The following CHRM3 variants were observed in gnomAD, a reference collection of about 807,000 sequenced individuals.
CHRM3 encodes the protein muscarinic acetylcholine receptor M3.
In CHRM3, 11 loss-of-function variants were observed where a neutral mutation model predicts 41.8. That is an observed-to-expected ratio of 0.26 (90% confidence interval 0.17 to 0.44). The LOEUF is 0.44. Ranked by LOEUF, CHRM3 falls within the 20% of genes least tolerant of loss-of-function variation. The pLI is 1.00. For synonymous variants in CHRM3, 297 were observed against 301.4 expected (o/e 0.99, Z 0.15); for missense variants, 571 against 745.4 (o/e 0.77, Z 2.72).
Position 239,470,439 on chromosome 1 carries a change from C to T in CHRM3, c.-520-22270C>T, listed in dbSNP as rs1317134433. Among the ~76,000 whole-genome samples, 3 of 152,258 alleles carry T rather than the reference C, an allele frequency of 2.0e-5. 1 individual carries two copies. In the South Asian group the frequency reaches 6.2e-4, roughly 32 times the overall value. On this transcript the variant is annotated intron_variant, in intron 1 of 6. Coordinates refer to ENST00000676153, the MANE Select transcript of CHRM3 (RefSeq NM_001375978.1). ...CTATGGCGGCCCTAGTAGAAAAATT[C>T]ACACCCCCCCACTCTTTTACAGAAA...
intron 3 of CHRM3, among the ~76,000 whole-genome samples, chr1:239,552,322 A>G (rs574904851): frequency 3.4e-5 from 5 of 147,506 alleles, no homozygotes; most frequent in African/African-American, 1.2e-4. Context: ...TATGTATCAT[A>G]TATATAGATG....
intron 5 of CHRM3, among the ~76,000 whole-genome samples, chr1:239,736,049 C>T (rs1664364275): frequency 6.6e-6 from 1 of 152,082 alleles, no homozygotes; most frequent in Non-Finnish European, 1.5e-5. Flanking sequence ...ACTAAACCCA[C>T]CCTAATGTTA....
At chr1:239,503,183 C>T (rs1462141110) in intron 2 of CHRM3, among the ~76,000 whole-genome samples, 2 of 152,090 alleles carry the variant, frequency 1.3e-5, no homozygotes, top group Non-Finnish European at 2.9e-5. Flanking sequence ...CCAGAAAGAT[C>T]CTAGAACGGA....
intron 5 of CHRM3, among the ~76,000 whole-genome samples, chr1:239,692,708 A>G (rs565013317): frequency 6.6e-6 from 1 of 152,324 alleles, no homozygotes; most frequent in South Asian, 2.1e-4. Flanking sequence ...GAGCTACTTG[A>G]GAGAAGATGC....
chr1:239,909,240 A>G lies in CHRM3; in HGVS notation c.*16A>G. On this transcript the variant is annotated 3_prime_UTR_variant, in exon 7 of 7. Transcript: ENST00000676153. ...GGCCTTGTAGAATGAGGTTGTATCA[A>G]TAGCAGTGACAAAACGCACACATCA... 1 of 1,580,784 alleles carries G rather than the reference A, an allele frequency of 6.3e-7. No individual in the cohort carries two copies. The highest frequency in any genetic ancestry group is 8.6e-7 in the Non-Finnish European group (1 of 1,164,674).
intron 1 of CHRM3, among the ~76,000 whole-genome samples, chr1:239,435,342 G>T (rs537975201): frequency 1.3e-5 from 2 of 151,758 alleles, no homozygotes; most frequent in Admixed American, 1.3e-4. Context: ...CCAGCTACTC[G>T]GGAGGCTGAG....
chr1:239,630,701 T>A (rs1051366079), intron 3 of CHRM3, among the ~76,000 whole-genome samples: 1 of 152,130 alleles, frequency 6.6e-6, no homozygotes, highest in African/African-American at 2.4e-5. Flanking sequence ...TATTATTTCC[T>A]GAGAATGTGC....
At chr1:239,780,115 A>G (rs185841434) in intron 5 of CHRM3, among the ~76,000 whole-genome samples, 46 of 152,328 alleles carry the variant, frequency 3.0e-4, no homozygotes, top group African/African-American at 1.0e-3. Flanking sequence ...TTGTGTGGAC[A>G]TAAGTTTTCA....
At chr1:239,649,388 G>A (rs1485503045) in intron 4 of CHRM3, among the ~76,000 whole-genome samples, 1 of 152,164 alleles carries the variant, frequency 6.6e-6, no homozygotes, top group African/African-American at 2.4e-5. Flanking sequence ...TTGTTTATAA[G>A]CTATTTAGTT....
chr1:239,601,409 A>G (rs1425151966), intron 3 of CHRM3, among the ~76,000 whole-genome samples: 1 of 152,220 alleles, frequency 6.6e-6, no homozygotes, highest in African/African-American at 2.4e-5. Flanking sequence ...AGGAAATGTC[A>G]ATATGCATGA....
chr1:239,692,377 A>C lies in CHRM3; in HGVS notation c.-147+14089A>C, dbSNP rs111512882. Reference sequence around the variant, plus strand: ...CAACAATAATTAAAAATCTGTGGTTAGTTATTTTTTTAAATGAACTCTCCT... The same window carrying C: ...CAACAATAATTAAAAATCTGTGGTTCGTTATTTTTTTAAATGAACTCTCCT... On this transcript the variant is annotated intron_variant, in intron 5 of 6. Coordinates refer to ENST00000676153, the MANE Select transcript of CHRM3 (RefSeq NM_001375978.1). 7.6e-4 allele frequency among the ~76,000 whole-genome samples: 116 copies of C among 152,292 alleles called. 1 individual carries two copies. Among genetic ancestry groups the C allele is most frequent in the African/African-American group, 2.7e-3 (113 of 41,580 alleles).
chr1:239,753,921 G>A lies in CHRM3; in HGVS notation c.-146-73331G>A, dbSNP rs559590510. ...ATATTCTGTTGATTCTTCCAACATC[G>A]TCAATCATGTGTGACAGAGCTCATT... On this transcript the variant is annotated intron_variant, in intron 5 of 6. Coordinates refer to ENST00000676153, the MANE Select transcript of CHRM3 (RefSeq NM_001375978.1). Among the ~76,000 whole-genome samples, 5 of 152,184 alleles carry A rather than the reference G, an allele frequency of 3.3e-5. 1 individual carries two copies. The South Asian group carries it at 8.3e-4, about 25-fold the overall frequency.
chr1:239,617,851 T>C (rs1667801320), intron 3 of CHRM3, among the ~76,000 whole-genome samples: 1 of 152,164 alleles, frequency 6.6e-6, no homozygotes, highest in Non-Finnish European at 1.5e-5. Flanking sequence ...TGCTCACAAG[T>C]GATGACAGTC....
rs1232580391 is a variant in CHRM3 at position 239,710,248 on chromosome 1, ACT to A, written c.-147+31965_-147+31966del. On this transcript the variant is annotated intron_variant, in intron 5 of 6. Transcript: ENST00000676153. ...TATATATAACTGTATGCATATAGATACTCTCTATATATGTAACTATACCCATA... is the reference window on the plus strand; with the variant it reads ...TATATATAACTGTATGCATATAGATACTCTATATATGTAACTATACCCATA... Among the ~76,000 whole-genome samples the A allele has an allele frequency of 3.3e-5, 5 of 152,246 alleles. No homozygotes were observed. The East Asian group carries it at 5.8e-4, about 18-fold the overall frequency.
intron 5 of CHRM3, among the ~76,000 whole-genome samples, chr1:239,782,868 A>G (rs1379813111): frequency 6.6e-6 from 1 of 152,138 alleles, no homozygotes; most frequent in Non-Finnish European, 1.5e-5. Context: ...CTTCTTTGAC[A>G]CATATATTAT....
In CHRM3 at chr1:239,908,556, C is replaced by A; in HGVS notation, c.1105C>A (p.Leu369Ile). 6.3e-7 allele frequency: 1 copy of A among 1,587,982 alleles called. No individual in the cohort carries two copies. The highest frequency in any genetic ancestry group is 8.6e-7 in the Non-Finnish European group (1 of 1,167,352). ...GACGAGAGCCATCTACTCCATCGTG[C>A]TCAAGCTTCCGGGTCACAGCACCAT... ...SETRAIYSIV[L>I]KLPGHSTILN... Residue 369 changes from leucine (L) to isoleucine (I), a missense_variant, in exon 7 of 7, where the codon CTC becomes ATC. Around this residue, in one of 5 missense-constraint regions of CHRM3, gnomAD observed 239 missense variants for 239.6 expected, o/e 1.00. Transcript: ENST00000676153. The surrounding 1 kb of genome is among the most constrained non-coding windows in gnomAD (Gnocchi z 7.2).
intron 1 of CHRM3, among the ~76,000 whole-genome samples, chr1:239,398,787 G>T (rs1276543848): frequency 6.6e-6 from 1 of 152,048 alleles, no homozygotes; most frequent in African/African-American, 2.4e-5. Flanking sequence ...GGACAGTTTT[G>T]CTTGGTTTTT....
chr1:239,782,272 T>G (rs614098), intron 5 of CHRM3, among the ~76,000 whole-genome samples: 128,173 of 151,948 alleles, frequency 0.84, 54,237 homozygotes, highest in East Asian at 0.87. Flanking sequence ...ATTAATTATT[T>G]ATTTAATTTC....
At chr1:239,860,169 A>T (rs1475469620) in intron 6 of CHRM3, among the ~76,000 whole-genome samples, 9 of 152,164 alleles carry the variant, frequency 5.9e-5, no homozygotes, top group Admixed American at 5.9e-4. Flanking sequence ...AAATCAGAGC[A>T]TCTCTATTCC....
Sources: allele counts gnomAD v4.1 joint callset (sites outside exome capture counted in the v4.1 genomes callset), GRCh38; gene constraint gnomAD v4.1.1; regional missense constraint gnomAD v4.1.1; non-coding constraint Gnocchi (gnomAD v3.1); transcripts MANE v1.5; gene names NCBI Gene and HGNC (gene_info 2026-07-23, HGNC 2026-07-21).